Variants in GRM8 observed in about 807,000 individuals in gnomAD.
GRM8 encodes glutamate metabotropic receptor 8.
GRM8 carries 47 observed loss-of-function variants against 87.2 expected under a neutral mutation model. The observed-to-expected ratio is 0.54, with a 90% CI of 0.43 to 0.69. The LOEUF (loss-of-function observed/expected upper bound fraction) is 0.69, where lower values mean the gene tolerates loss of function less well. Ranked by LOEUF, GRM8 falls within the 30% of genes least tolerant of loss-of-function variation. The pLI is 0.00. For synonymous variants in GRM8, 396 were observed against 404.5 expected (o/e 0.98, Z 0.25); for missense variants, 1,019 against 1,139.2 (o/e 0.89, Z 1.52).
chr7:126,781,519 T>C (rs1047715367), intron 6 of GRM8, among the ~76,000 whole-genome samples: 6 of 152,188 alleles, frequency 3.9e-5, no homozygotes, highest in African/African-American at 1.4e-4. Flanking sequence ...AAAAGCTGAA[T>C]AGTCAATGTG....
At chr7:126,809,070 C>T (rs188308391) in intron 6 of GRM8, among the ~76,000 whole-genome samples, 4 of 152,130 alleles carry the variant, frequency 2.6e-5, no homozygotes, top group Admixed American at 6.5e-5. Context: ...TGTTCCCTTG[C>T]GTATTTTATC....
chr7:126,669,455 G>A (rs1229588141), intron 7 of GRM8, among the ~76,000 whole-genome samples: 1 of 152,104 alleles, frequency 6.6e-6, no homozygotes, highest in African/African-American at 2.4e-5. Flanking sequence ...GTACCTTTCA[G>A]TTCATGTGAC....
chr7:126,483,957 C>T (rs1807052033), intron 9 of GRM8, among the ~76,000 whole-genome samples: 1 of 150,554 alleles, frequency 6.6e-6, no homozygotes. Flanking sequence ...TTTCCAAAAC[C>T]CTTATAACCA....
chr7:126,550,450 T>C (rs1431221349), intron 8 of GRM8, among the ~76,000 whole-genome samples: 1 of 152,164 alleles, frequency 6.6e-6, no homozygotes, highest in African/African-American at 2.4e-5. Context: ...AATTTCTTAA[T>C]AGATTAAAAG....
At chr7:127,162,143 T>C (rs1793156190) in intron 2 of GRM8, among the ~76,000 whole-genome samples, 1 of 152,212 alleles carries the variant, frequency 6.6e-6, no homozygotes, top group South Asian at 2.1e-4. Context: ...GAAAATTCTG[T>C]GCTTCCAGGT....
intron 7 of GRM8, among the ~76,000 whole-genome samples, chr7:126,750,472 T>C (rs947494397): frequency 4.6e-5 from 7 of 152,080 alleles, no homozygotes; most frequent in African/African-American, 9.7e-5. Context: ...TTACCGTGTC[T>C]ATATTTTACC....
intron 2 of GRM8, among the ~76,000 whole-genome samples, chr7:127,157,662 T>G (rs1022395086): frequency 1.3e-5 from 2 of 152,164 alleles, no homozygotes; most frequent in Non-Finnish European, 2.9e-5. Context: ...TATACATTGT[T>G]GCTGACACAA....
intron 8 of GRM8, among the ~76,000 whole-genome samples, chr7:126,570,809 T>C (rs975891649): frequency 2.0e-5 from 3 of 152,118 alleles, no homozygotes; most frequent in Non-Finnish European, 4.4e-5. Flanking sequence ...TTTCTGAAAA[T>C]AGGTGTCTAG....
chr7:127,232,237 G>C (rs10085482), intron 2 of GRM8, among the ~76,000 whole-genome samples: 45,396 of 140,038 alleles, frequency 0.32, 10,305 homozygotes, highest in African/African-American at 0.65. Flanking sequence ...GAGAGAGAGA[G>C]AGACAGACAG....
At chr7:126,477,579 G>GAAAGAAAGAAAGAA (rs769352913) in intron 9 of GRM8, among the ~76,000 whole-genome samples, 1 of 81,536 alleles carries the variant, frequency 1.2e-5, no homozygotes, top group African/African-American at 4.1e-5. Context: ...AAGAAAGAAA[G>GAAAGAAAGAAAGAA]AGAGAAAGAA....
At chr7:127,119,727 G>A (rs189486840) in intron 2 of GRM8, among the ~76,000 whole-genome samples, 7 of 152,156 alleles carry the variant, frequency 4.6e-5, no homozygotes, top group South Asian at 4.1e-4. Context: ...GTTTGTTCTC[G>A]TTTTTCATTT....
At chr7:126,461,282 G>T (rs1245989373) in intron 9 of GRM8, among the ~76,000 whole-genome samples, 1 of 151,514 alleles carries the variant, frequency 6.6e-6, no homozygotes, top group African/African-American at 2.4e-5. Flanking sequence ...AGAATACTCT[G>T]AATTTTATTG....
At chr7:126,637,807 C>T (rs938574970) in intron 7 of GRM8, among the ~76,000 whole-genome samples, 9 of 152,110 alleles carry the variant, frequency 5.9e-5, no homozygotes, top group African/African-American at 1.9e-4. Flanking sequence ...TTACCATCTG[C>T]CCCTAAGGTA....
intron 2 of GRM8, among the ~76,000 whole-genome samples, chr7:127,170,713 C>G (rs28873448): frequency 0.015 from 2,337 of 152,152 alleles, 52 homozygotes; most frequent in African/African-American, 0.052. Flanking sequence ...GACTGGAGAC[C>G]AGTAGTCTAA....
intron 6 of GRM8, among the ~76,000 whole-genome samples, chr7:126,857,256 A>G (rs1797769879): frequency 6.6e-6 from 1 of 151,912 alleles, no homozygotes; most frequent in African/African-American, 2.4e-5. Context: ...GCTTTATAAA[A>G]CCTCTTAACC....
At chr7:127,193,611 G>A (rs928829635) in intron 2 of GRM8, among the ~76,000 whole-genome samples, 1 of 152,198 alleles carries the variant, frequency 6.6e-6, no homozygotes, top group Non-Finnish European at 1.5e-5. Flanking sequence ...TAAAGAGTGA[G>A]GTAGTAGCTT....
chr7:126,859,304 A>G (rs1797957010), intron 6 of GRM8, among the ~76,000 whole-genome samples: 1 of 152,168 alleles, frequency 6.6e-6, no homozygotes, highest in African/African-American at 2.4e-5. Context: ...AATTTGACAA[A>G]GTGAAGTCAA....
At chr7:127,231,007 C>T (rs1797655271) in intron 2 of GRM8, among the ~76,000 whole-genome samples, 1 of 152,144 alleles carries the variant, frequency 6.6e-6, no homozygotes, top group African/African-American at 2.4e-5. Context: ...GGTTATTTTA[C>T]AGGATTTTGG....
intron 3 of GRM8, among the ~76,000 whole-genome samples, chr7:127,088,674 AG>A (rs1823746820): frequency 6.6e-6 from 1 of 152,206 alleles, no homozygotes; most frequent in African/African-American, 2.4e-5. Context: ...GACACCATAC[AG>A]CATGTGCAAT....
Sources: allele counts gnomAD v4.1 joint callset (sites outside exome capture counted in the v4.1 genomes callset), GRCh38; gene constraint gnomAD v4.1.1; transcripts MANE v1.5; gene names NCBI Gene and HGNC (gene_info 2026-07-23, HGNC 2026-07-21).